Variants in ARRDC4 observed in about 807,000 individuals in gnomAD.
The protein encoded by ARRDC4 is arrestin domain containing 4.
A neutral mutation model predicts 44.6 loss-of-function variants in ARRDC4; 40 were observed. The observed-to-expected ratio is 0.90, with a 90% confidence interval of 0.70 to 1.17. ARRDC4 has a LOEUF of 1.17. Ranked by LOEUF, ARRDC4 falls within the 50% of genes most tolerant of loss-of-function variation. The pLI, the probability that ARRDC4 is intolerant of heterozygous loss-of-function variation, is 0.00. For synonymous variants in ARRDC4, 211 were observed against 221.2 expected (o/e 0.95, Z 0.41); for missense variants, 550 against 559.1 (o/e 0.98, Z 0.16).
intron 1 of ARRDC4, among the ~76,000 whole-genome samples, chr15:97,964,800 T>G (rs1056399705): frequency 6.6e-6 from 1 of 152,210 alleles, no homozygotes; most frequent in Non-Finnish European, 1.5e-5. Flanking sequence ...TTTGGCTGTT[T>G]TGTGTTATAC....
In ARRDC4 at chr15:97,968,754, G is replaced by A. The variant is rs1439582143; in HGVS notation, c.626-369G>A. 1.3e-5 allele frequency among the ~76,000 whole-genome samples: 2 copies of A among 152,062 alleles called. No individual in the cohort carries two copies. Among genetic ancestry groups the A allele is most frequent in the African/African-American group, 4.8e-5 (2 of 41,402 alleles). The stretch of plus-strand genomic sequence containing the variant: ...AAGCAAAGGCTTTGTTCTCCTGTTA[G>A]GCAGATTTTAATTTGATAAGCACTA... On this transcript the variant is annotated intron_variant, in intron 4 of 7. Transcript: ENST00000268042. This position sits in a 1 kb window ranked among gnomAD's most constrained non-coding sequence, Gnocchi z 5.4.
intron 1 of ARRDC4, among the ~76,000 whole-genome samples, chr15:97,963,363 ATAT>A (rs1488235869): frequency 8.5e-5 from 13 of 152,238 alleles, no homozygotes; most frequent in African/African-American, 2.2e-4. Flanking sequence ...TGAATTCCAA[ATAT>A]TATAACCCAT....
At chr15:97,962,977 T>TC (rs1567192949) in intron 1 of ARRDC4, among the ~76,000 whole-genome samples, 1 of 152,250 alleles carries the variant, frequency 6.6e-6, no homozygotes, top group Non-Finnish European at 1.5e-5. Context: ...AACTACTTGC[T>TC]GTCATTGTGA....
At position 97,970,010 on chromosome 15, in the gene ARRDC4, G is replaced by A. The variant is rs1358098697; in HGVS notation, c.1010G>A (p.Ser337Asn). 6.2e-7 allele frequency: 1 copy of A among 1,613,156 alleles called. No homozygotes were observed. Among genetic ancestry groups the A allele is most frequent in the East Asian group, 2.2e-5 (1 of 44,870 alleles). The change falls in exon 6 of 8, where the codon AGC becomes AAC. Residue 337 changes from serine (S) to asparagine (N), a missense_variant. Transcript: ENST00000268042. The surrounding 1 kb of genome is among the most constrained non-coding windows in gnomAD (Gnocchi z 4.2). ...GCCAGCCAGTTCAGTATGGATATGA[G>A]CTGGTTGACACTGACCCTGCCAGAG... ...SIASQFSMDM[S>N]WLTLTLPEQP...
Position 97,960,932 on chromosome 15 carries a change from T to TC in ARRDC4, c.72dup (p.Glu25ArgfsTer80), listed in dbSNP as rs1899299433. 7.5e-6 allele frequency: 11 copies of TC among 1,466,220 alleles called. No individual in the cohort carries two copies. Among genetic ancestry groups the TC allele is most frequent in the Middle Eastern group, 1.9e-4 (1 of 5,358 alleles). 90.8% of individuals were successfully genotyped at this position (1,466,220 alleles called of 1,614,324 possible). On this transcript the variant is annotated frameshift_variant, in exon 1 of 8. Coordinates refer to ENST00000268042, the MANE Select transcript of ARRDC4 (RefSeq NM_183376.3). LOFTEE classifies it high-confidence loss of function. The stretch of plus-strand genomic sequence containing the variant: ...CGCGTGAAGAGCCTGGGTCTGGTGT[T>TC]CGAGGACGAGCGCAAGGGCTGCTAT...
In ARRDC4 at chr15:97,969,226, A is replaced by G; in HGVS notation, c.729A>G (p.Lys243=). ...FQTQTYLASG[K]TKTIRHMVAN... ...CGCAGACATATTTGGCTAGTGGAAAAACAAAGACCATTCGACACATGGTCG... is the reference window on the plus strand; with the variant it reads ...CGCAGACATATTTGGCTAGTGGAAAGACAAAGACCATTCGACACATGGTCG... The change falls in exon 5 of 8, where the codon AAA becomes AAG. Residue 243 remains lysine, a synonymous_variant. Coordinates refer to ENST00000268042, the MANE Select transcript of ARRDC4 (RefSeq NM_183376.3). The G allele has an allele frequency of 1.2e-6, 2 of 1,613,940 alleles. No homozygotes were observed. Among genetic ancestry groups the G allele is most frequent in the Non-Finnish European group, 1.7e-6 (2 of 1,179,902 alleles).
intron 1 of ARRDC4, 136 bp downstream of exon 1, chr15:97,961,304 C>T (rs1899313734): frequency 1.2e-6 from 1 of 806,666 alleles, no homozygotes; most frequent in Non-Finnish European, 1.7e-6. Context: ...TCCGGCCTAC[C>T]CTCGCGGGTA....
chr15:97,968,005 A>AT lies in ARRDC4; in HGVS notation c.523-5dup. On this transcript the variant is annotated splice_polypyrimidine_tract_variant and intron_variant, in intron 3 of 7. Coordinates refer to ENST00000268042, the MANE Select transcript of ARRDC4 (RefSeq NM_183376.3). This position sits in a 1 kb window ranked among gnomAD's most constrained non-coding sequence, Gnocchi z 5.4. ...AATTAAGGTTGTTTTATTGTTTGAA[A>AT]TTTTCAAGACCCCTGTATTGAAAAC... 6.4e-7 allele frequency: 1 copy of AT among 1,570,138 alleles called. No individual in the cohort carries two copies. The highest frequency in any genetic ancestry group is 8.6e-7 in the Non-Finnish European group (1 of 1,156,524).
In ARRDC4 at chr15:97,968,321, T is replaced by C. The variant is rs979269597; in HGVS notation, c.625+205T>C. ...TTTCCAGTCAAACTCCTGTTTTTTT[T>C]CTGACTTCAATCCTGTTACTTTAGT... On this transcript the variant is annotated intron_variant, in intron 4 of 7. Transcript: ENST00000268042. The surrounding 1 kb of genome is among the most constrained non-coding windows in gnomAD (Gnocchi z 5.4). 6.6e-6 allele frequency among the ~76,000 whole-genome samples: 1 copy of C among 152,190 alleles called. No homozygotes were observed. The highest frequency in any genetic ancestry group is 1.5e-5 in the Non-Finnish European group (1 of 68,034).
intron 1 of ARRDC4, among the ~76,000 whole-genome samples, chr15:97,961,602 G>T (rs1041521597): frequency 2.6e-5 from 4 of 152,220 alleles, no homozygotes; most frequent in African/African-American, 9.6e-5. Flanking sequence ...CTTGGTTCAT[G>T]ATGAATTAGC....
rs139893562 is a variant in ARRDC4 at position 97,965,482 on chromosome 15, T to C, written c.308-118T>C. On this transcript the variant is annotated intron_variant, in intron 1 of 7. Transcript: ENST00000268042. This position sits in a 1 kb window ranked among gnomAD's most constrained non-coding sequence, Gnocchi z 5.1. ...TTCTCTACATTTGTTTAATGAACTT[T>C]TGGAGTATGCTGCATTTTGTAGCGA... 29 of 802,384 alleles carry C rather than the reference T, an allele frequency of 3.6e-5. No homozygotes were observed. In the East Asian group the frequency reaches 7.2e-4, roughly 20 times the overall value. The allele number at this position is 802,384 out of a possible 1,614,324, so 49.7% of individuals were successfully genotyped here. A position where few individuals can be genotyped will look rare whatever the true frequency, so the allele number is the denominator to read the frequency against.
intron 1 of ARRDC4, among the ~76,000 whole-genome samples, chr15:97,961,510 A>T (rs1175271972): frequency 1.3e-5 from 2 of 152,284 alleles, no homozygotes; most frequent in Non-Finnish European, 2.9e-5. Context: ...CAAGAAAGGG[A>T]CGGTGGAACC....
Position 97,961,056 on chromosome 15 carries a change from CG to C in ARRDC4, c.196del (p.Ala66ProfsTer26). ...TGGAGGCCCAGGGGCGCGCCACCGC[CG>C]CCTGGGGCCCGAGCACCTGCCCCCG... ...RLEAQGRATA[A>X]WGPSTCPRAS... is the part of the protein sequence containing the mutation. On this transcript the variant is annotated frameshift_variant, in exon 1 of 8. Coordinates refer to ENST00000268042, the MANE Select transcript of ARRDC4 (RefSeq NM_183376.3). LOFTEE classifies it high-confidence loss of function. 1 of 1,425,082 alleles carries C rather than the reference CG, an allele frequency of 7.0e-7. No homozygotes were observed. Among genetic ancestry groups the C allele is most frequent in the Non-Finnish European group, 9.1e-7 (1 of 1,094,786 alleles). 88.3% of individuals were successfully genotyped at this position (1,425,082 alleles called of 1,614,324 possible).
chr15:97,968,582 A>T lies in ARRDC4; in HGVS notation c.625+466A>T, dbSNP rs1899457616. On this transcript the variant is annotated intron_variant, in intron 4 of 7. Coordinates refer to ENST00000268042, the MANE Select transcript of ARRDC4 (RefSeq NM_183376.3). The surrounding 1 kb of genome is among the most constrained non-coding windows in gnomAD (Gnocchi z 5.4). ...TGCCATTAGTGAAGGGCCCATTTCC[A>T]GCAGTGGATTTGGCCCCTGCTCCAG... Among the ~76,000 whole-genome samples, 1 of 152,262 alleles carries T rather than the reference A, an allele frequency of 6.6e-6. No individual in the cohort carries two copies. The highest frequency in any genetic ancestry group is 6.5e-5 in the Admixed American group (1 of 15,286).
At chr15:97,969,793 C>A in intron 5 of ARRDC4, 90 bp from the exon 6 acceptor site, 13 of 1,216,502 alleles carry the variant, frequency 1.1e-5, no homozygotes, top group Non-Finnish European at 1.3e-5. Context: ...GCATTTGTTT[C>A]TATGAAAAAA....
chr15:97,968,071 C>G lies in ARRDC4; in HGVS notation c.580C>G (p.Pro194Ala). The change falls in exon 4 of 8, where the codon CCA (proline) becomes GCA (alanine). Residue 194 changes from proline to alanine, a missense_variant. Coordinates refer to ENST00000268042, the MANE Select transcript of ARRDC4 (RefSeq NM_183376.3). The surrounding 1 kb of genome is among the most constrained non-coding windows in gnomAD (Gnocchi z 5.4). ...MVGCWFFTSG[P>A]VSLSAKIERK... The stretch of plus-strand genomic sequence containing the variant: ...TGGCTGTTGGTTTTTCACTTCTGGT[C>G]CAGTCTCGCTGAGTGCCAAAATTGA... 2 of 1,603,000 alleles carry G rather than the reference C, an allele frequency of 1.2e-6. No homozygotes were observed. The highest frequency in any genetic ancestry group is 8.5e-7 in the Non-Finnish European group (1 of 1,174,510).
Position 97,973,129 on chromosome 15 carries a change from G to C in ARRDC4, c.*1942G>C, listed in dbSNP as rs1222605713. 2 of 152,190 alleles carry C rather than the reference G, an allele frequency of 1.3e-5. No individual in the cohort carries two copies. Among genetic ancestry groups the C allele is most frequent in the African/African-American group, 4.8e-5 (2 of 41,426 alleles). 9.4% of individuals were successfully genotyped at this position (152,190 alleles called of 1,614,324 possible). On this transcript the variant is annotated 3_prime_UTR_variant, in exon 8 of 8. Coordinates refer to ENST00000268042, the MANE Select transcript of ARRDC4 (RefSeq NM_183376.3). ...CATCTTCAACTGTTTATTGACTTCT[G>C]AGTTATATAGTTCATGCCCTGCCAA... is the stretch of plus-strand genomic sequence containing the variant.
chr15:97,972,508 C>T lies in ARRDC4; in HGVS notation c.*1321C>T, dbSNP rs1265937790. On this transcript the variant is annotated 3_prime_UTR_variant, in exon 8 of 8. Transcript: ENST00000268042. This position sits in a 1 kb window ranked among gnomAD's most constrained non-coding sequence, Gnocchi z 5.3. ...AAGTCTGAGCAGTGTTTTACCGTCC[C>T]CAGCCCCCCTCCCACATGGTCACAT... The T allele has an allele frequency of 6.6e-6, 1 of 152,544 alleles. No individual in the cohort carries two copies. Among genetic ancestry groups the T allele is most frequent in the African/African-American group, 2.4e-5 (1 of 41,422 alleles). The allele number at this position is 152,544 out of a possible 1,614,324, so 9.4% of individuals were successfully genotyped here.
rs1201895401 is a variant in ARRDC4 at position 97,970,199 on chromosome 15, G to A, written c.1045+154G>A. On this transcript the variant is annotated intron_variant, in intron 6 of 7. Coordinates refer to ENST00000268042, the MANE Select transcript of ARRDC4 (RefSeq NM_183376.3). The surrounding 1 kb of genome is among the most constrained non-coding windows in gnomAD (Gnocchi z 4.2). ...TAAAAAATCAGAAAGCATTAGTCCT[G>A]GGAGGGACTTTGAAAGTTTAGCTTT... 6.6e-6 allele frequency among the ~76,000 whole-genome samples: 1 copy of A among 152,114 alleles called. No homozygotes were observed. Among genetic ancestry groups the A allele is most frequent in the African/African-American group, 2.4e-5 (1 of 41,422 alleles).
Sources: allele counts gnomAD v4.1 joint callset (sites outside exome capture counted in the v4.1 genomes callset), GRCh38; gene constraint gnomAD v4.1.1; non-coding constraint Gnocchi (gnomAD v3.1); transcripts MANE v1.5; gene names NCBI Gene and HGNC (gene_info 2026-07-23, HGNC 2026-07-21).